AGAP1: variants seen among roughly 807,000 people sequenced by gnomAD.
AGAP1 encodes the protein arf-GAP with GTPase, ANK repeat and PH domain-containing protein 1.
In AGAP1, 29 loss-of-function variants were observed where a neutral mutation model predicts 105.3. The ratio of observed to expected loss-of-function variants is 0.28; its 90% confidence interval spans 0.21 to 0.38. AGAP1 has a LOEUF of 0.38. Ranked by LOEUF, AGAP1 falls within the 10% of genes least tolerant of loss-of-function variation. The pLI, the probability that AGAP1 is intolerant of heterozygous loss-of-function variation, is 1.00. For synonymous variants in AGAP1, 509 were observed against 485.9 expected, an observed-to-expected ratio of 1.05 and a Z score of -0.63; for missense variants, 998 against 1,165.1, an observed-to-expected ratio of 0.86 and a Z score of 2.09.
rs1243536327 is a variant in AGAP1, at chr2:235,883,552, G to A, written c.1155+103G>A. ...GCCCAGCCTCTTGTCTCTGTTTGAAGTGAAAGTCGTATTTGGTCTCCTGCT... is the reference window on the plus strand; with the variant it reads ...GCCCAGCCTCTTGTCTCTGTTTGAAATGAAAGTCGTATTTGGTCTCCTGCT... On this transcript the variant is annotated intron_variant, in intron 10 of 17. Transcript: ENST00000304032. This position sits in a 1 kb window ranked among gnomAD's most constrained non-coding sequence, Gnocchi z 4.5. 3.2e-6 allele frequency: 3 copies of A among 930,802 alleles called. No individual in the cohort carries two copies. Among genetic ancestry groups the A allele is most frequent in the East Asian group, 4.9e-5 (2 of 41,118 alleles). The allele number at this position is 930,802 out of a possible 1,614,324, so 57.7% of individuals were successfully genotyped here.
At chr2:235,844,524 C>A (rs2106411868) in intron 9 of AGAP1, among the ~76,000 whole-genome samples, 1 of 152,316 alleles carries the variant, frequency 6.6e-6, no homozygotes, top group South Asian at 2.1e-4. Context: ...AATGCTTCTG[C>A]AGACTAGAAA....
intron 5 of AGAP1, among the ~76,000 whole-genome samples, chr2:235,748,022 T>C (rs556980110): frequency 6.6e-6 from 1 of 152,320 alleles, no homozygotes; most frequent in African/African-American, 2.4e-5. Context: ...TTGGGCAAGA[T>C]GGGAATGAAT....
chr2:235,810,387 G>A (rs1217128701), intron 9 of AGAP1, among the ~76,000 whole-genome samples: 2 of 152,198 alleles, frequency 1.3e-5, no homozygotes, highest in Non-Finnish European at 2.9e-5. Context: ...ACCAGCTAAT[G>A]GACCTTTGCC....
rs931139552 is a variant in AGAP1, at chr2:236,044,705, G to T, written c.1891+3864G>T. Among the ~76,000 whole-genome samples the T allele has an allele frequency of 2.0e-5, 3 of 152,052 alleles. No homozygotes were observed. The East Asian group carries it at 5.8e-4, about 29-fold the overall frequency. On this transcript the variant is annotated intron_variant, in intron 15 of 17. Coordinates refer to ENST00000304032, the MANE Select transcript of AGAP1 (RefSeq NM_001037131.3). The surrounding 1 kb of genome is among the most constrained non-coding windows in gnomAD (Gnocchi z 5.7). ...GCCCACAAATAGAACCTCCGGTCCCGCAACGTCGGGTCTCCTTCCCATTGT... is the reference window on the plus strand; with the variant it reads ...GCCCACAAATAGAACCTCCGGTCCCTCAACGTCGGGTCTCCTTCCCATTGT...
At position 235,892,130 on chromosome 2, in the gene AGAP1, G is replaced by A. The variant is rs149022843; in HGVS notation, c.1155+8681G>A. Among the ~76,000 whole-genome samples, 599 of 151,608 alleles carry A rather than the reference G, an allele frequency of 4.0e-3. 6 individuals carry two copies. Among genetic ancestry groups the A allele is most frequent in the African/African-American group, 0.014 (566 of 41,296 alleles). On this transcript the variant is annotated intron_variant, in intron 10 of 17. Coordinates refer to ENST00000304032, the MANE Select transcript of AGAP1 (RefSeq NM_001037131.3). ...CGTGGTGCCACTGCACTCCAGCCTC[G>A]GCAACAGTGAGACTCCCATCTCAAA...
At chr2:235,921,239 A>G (rs1324675062) in intron 11 of AGAP1, among the ~76,000 whole-genome samples, 1 of 152,216 alleles carries the variant, frequency 6.6e-6, no homozygotes, top group Non-Finnish European at 1.5e-5. Context: ...ACATTAAATC[A>G]ATAATGTTAC....
In AGAP1 at chr2:236,035,564, T is replaced by G. The variant is rs985841819; in HGVS notation, c.1646-997T>G. Among the ~76,000 whole-genome samples the G allele has an allele frequency of 6.6e-6, 1 of 152,112 alleles. No homozygotes were observed. Among genetic ancestry groups the G allele is most frequent in the African/African-American group, 2.4e-5 (1 of 41,436 alleles). ...GCTTGAGCCTGGGAGGTGGAAGATA[T>G]AATGAGCTGTGATTGCACCATGGCA... On this transcript the variant is annotated intron_variant, in intron 13 of 17. Transcript: ENST00000304032. The surrounding 1 kb of genome is among the most constrained non-coding windows in gnomAD (Gnocchi z 4.2).
intron 8 of AGAP1, among the ~76,000 whole-genome samples, chr2:235,805,884 A>G (rs1432299715): frequency 2.6e-5 from 4 of 152,220 alleles, no homozygotes; most frequent in African/African-American, 7.2e-5. Context: ...AGTGCTTGGC[A>G]CGTAGTAGGT....
chr2:235,502,336 C>A (rs542759651), intron 1 of AGAP1, among the ~76,000 whole-genome samples: 1 of 152,180 alleles, frequency 6.6e-6, no homozygotes, highest in South Asian at 2.1e-4. Context: ...TGTTTGTGTG[C>A]GAGGTTGGGA....
intron 1 of AGAP1, among the ~76,000 whole-genome samples, chr2:235,698,768 C>G (rs768431961): frequency 1.3e-5 from 2 of 152,210 alleles, no homozygotes; most frequent in African/African-American, 2.4e-5. Context: ...GTCATTTTCT[C>G]AGGTTCTTGT....
rs1943856496 is a variant in AGAP1 at position 235,552,827 on chromosome 2, A to G, written c.163+57978A>G. On this transcript the variant is annotated intron_variant, in intron 1 of 17. Transcript: ENST00000304032. This position sits in a 1 kb window ranked among gnomAD's most constrained non-coding sequence, Gnocchi z 5.9. ...TGCCTGACAGAGTGTGATGGGCCCC[A>G]TCTCTCTCTGCTGAGCCGGGTTCTG... Among the ~76,000 whole-genome samples the G allele has an allele frequency of 6.6e-6, 1 of 152,146 alleles. No individual in the cohort carries two copies. The highest frequency in any genetic ancestry group is 2.1e-4 in the South Asian group (1 of 4,828).
chr2:235,969,034 TTAAC>T (rs1250670290), intron 13 of AGAP1, among the ~76,000 whole-genome samples: 4 of 152,218 alleles, frequency 2.6e-5, no homozygotes, highest in African/African-American at 9.6e-5. Context: ...TTGGTTACTC[TTAAC>T]TAACCAGACA....
Position 235,741,184 on chromosome 2 carries a change from G to T in AGAP1, c.396+136G>T. The T allele has an allele frequency of 1.6e-6, 1 of 631,900 alleles. No homozygotes were observed. The highest frequency in any genetic ancestry group is 2.5e-6 in the Non-Finnish European group (1 of 396,264). 39.1% of individuals were successfully genotyped at this position (631,900 alleles called of 1,614,324 possible). ...CCCATAAAAAATGTTTCCTCTCACT[G>T]CATTTTTTTCTCATCTCTAAGAAGC... On this transcript the variant is annotated intron_variant, in intron 4 of 17. Transcript: ENST00000304032. The surrounding 1 kb of genome is among the most constrained non-coding windows in gnomAD (Gnocchi z 4.9).
intron 12 of AGAP1, among the ~76,000 whole-genome samples, chr2:235,943,386 CAG>C (rs1381766213): frequency 1.4e-4 from 4 of 29,358 alleles, no homozygotes; most frequent in Non-Finnish European, 2.4e-4. Context: ...TTTTTTGACA[CAG>C]AGTTTCACTC....
chr2:235,728,511 C>T lies in AGAP1; in HGVS notation c.310+10867C>T, dbSNP rs548606322. Among the ~76,000 whole-genome samples the T allele has an allele frequency of 1.2e-4, 19 of 152,196 alleles. 2 individuals carry two copies. In the South Asian group the frequency reaches 3.5e-3, roughly 28 times the overall value. ...TATCCATGCTTGTTGGCTTCTGGAA[C>T]GCACAGTGTTCAGGAGGATTCTGAG... On this transcript the variant is annotated intron_variant, in intron 3 of 17. Coordinates refer to ENST00000304032, the MANE Select transcript of AGAP1 (RefSeq NM_001037131.3). The surrounding 1 kb of genome is among the most constrained non-coding windows in gnomAD (Gnocchi z 4.3).
In AGAP1 at chr2:235,787,398, A is replaced by T. The variant is rs1956712825; in HGVS notation, c.674-10361A>T. 6.6e-6 allele frequency among the ~76,000 whole-genome samples: 1 copy of T among 152,130 alleles called. No homozygotes were observed. The highest frequency in any genetic ancestry group is 1.5e-5 in the Non-Finnish European group (1 of 68,026). On this transcript the variant is annotated intron_variant, in intron 6 of 17. Coordinates refer to ENST00000304032, the MANE Select transcript of AGAP1 (RefSeq NM_001037131.3). This position sits in a 1 kb window ranked among gnomAD's most constrained non-coding sequence, Gnocchi z 4.4. ...ATTTCTCAGTATTTCCCCCTTGCAGATTATTCCTTCTTTGTCTGCATCATA... is the reference window on the plus strand; with the variant it reads ...ATTTCTCAGTATTTCCCCCTTGCAGTTTATTCCTTCTTTGTCTGCATCATA...
chr2:235,892,604 A>G (rs979283220), intron 10 of AGAP1, among the ~76,000 whole-genome samples: 3 of 151,752 alleles, frequency 2.0e-5, no homozygotes, highest in African/African-American at 4.8e-5. Context: ...AAAGATTGCT[A>G]TGAGAATAGC....
chr2:235,813,451 CTG>C (rs1164042628), intron 9 of AGAP1, among the ~76,000 whole-genome samples: 1 of 152,244 alleles, frequency 6.6e-6, no homozygotes, highest in African/African-American at 2.4e-5. Flanking sequence ...AGTGTGTCCT[CTG>C]TGTATCCATT....
At position 236,105,091 on chromosome 2, in the gene AGAP1, G is replaced by A. The variant is rs1020280625; in HGVS notation, c.2115-15101G>A. Among the ~76,000 whole-genome samples the A allele has an allele frequency of 6.6e-6, 1 of 152,110 alleles. No individual in the cohort carries two copies. Among genetic ancestry groups the A allele is most frequent in the Non-Finnish European group, 1.5e-5 (1 of 67,978 alleles). ...AAGCTGAGTTCCTTCTGTCTGTCTC[G>A]GTGAGAGAAGGCACGGCCCTCACCC... On this transcript the variant is annotated intron_variant, in intron 16 of 17. Transcript: ENST00000304032. This position sits in a 1 kb window ranked among gnomAD's most constrained non-coding sequence, Gnocchi z 4.2.
Sources: gnomAD v4.1 joint callset for allele counts (sites outside exome capture counted in the v4.1 genomes callset) on GRCh38, gnomAD v4.1.1 for gene constraint, Gnocchi (gnomAD v3.1) non-coding constraint, MANE v1.5 for transcripts, NCBI Gene and HGNC (gene_info 2026-07-23, HGNC 2026-07-21) for gene names.